Variants in TUSC3 observed in about 807,000 individuals in gnomAD.
TUSC3 encodes tumor suppressor candidate 3, also known as dolichyl-diphosphooligosaccharide--protein glycosyltransferase subunit TUSC3.
Under a neutral mutation model 44.8 loss-of-function variants are expected in TUSC3, and 45 were observed. The observed-to-expected ratio is 1.00, with a 90% CI of 0.79 to 1.29. The LOEUF (loss-of-function observed/expected upper bound fraction) is 1.29, where lower values mean the gene tolerates loss of function less well. TUSC3 is among the 50% of genes most tolerant of loss of function. TUSC3 has a pLI of 0.00. For missense variants in TUSC3, 519 were observed against 437.9 expected (o/e 1.19, Z -1.65); for synonymous variants, 212 against 152.9 (o/e 1.39, Z -2.85).
intron 7 of TUSC3, among the ~76,000 whole-genome samples, chr8:15,739,731 G>A (rs895920615): frequency 2.6e-5 from 4 of 152,106 alleles, no homozygotes; most frequent in Non-Finnish European, 5.9e-5. Flanking sequence ...TTTATTCTTA[G>A]CCTAAAGATA....
At chr8:15,758,493 C>G (rs973149920) in intron 10 of TUSC3, among the ~76,000 whole-genome samples, 4 of 151,874 alleles carry the variant, frequency 2.6e-5, no homozygotes, top group Admixed American at 2.0e-4. Flanking sequence ...CATCCCACCC[C>G]CTCAAGACCA....
intron 6 of TUSC3, among the ~76,000 whole-genome samples, chr8:15,679,684 A>C (rs1808333424): frequency 6.6e-6 from 1 of 152,176 alleles, no homozygotes; most frequent in Admixed American, 6.5e-5. Context: ...AGTGTCCAAA[A>C]GGATATTTCT....
chr8:15,751,405 C>G (rs1811696847), intron 9 of TUSC3, among the ~76,000 whole-genome samples: 1 of 152,130 alleles, frequency 6.6e-6, no homozygotes, highest in Admixed American at 6.5e-5. Flanking sequence ...TGAGTAATGT[C>G]TTTATACTGT....
At chr8:15,848,540 G>C in the TUSC3 span, among the ~76,000 whole-genome samples, 2 of 152,130 alleles carry the variant, frequency 1.3e-5, no homozygotes, top group African/African-American at 4.8e-5. Flanking sequence ...TCTTGAGCTG[G>C]GGAACTGTTC....
chr8:15,788,518 G>C, the TUSC3 span, among the ~76,000 whole-genome samples: 78 of 147,714 alleles, frequency 5.3e-4, no homozygotes, highest in Non-Finnish European at 9.6e-4. Context: ...CTGCACTCCA[G>C]CCTGGGTGAC....
intron 1 of TUSC3, among the ~76,000 whole-genome samples, chr8:15,446,910 C>CAAG (rs1800112544): frequency 6.6e-6 from 1 of 150,772 alleles, no homozygotes; most frequent in Non-Finnish European, 1.5e-5. Flanking sequence ...GAAAAAAAAA[C>CAAG]AAAGGAGGTA....
intron 6 of TUSC3, among the ~76,000 whole-genome samples, chr8:15,722,134 C>A (rs1353314017): frequency 6.6e-6 from 1 of 151,956 alleles, no homozygotes; most frequent in Non-Finnish European, 1.5e-5. Flanking sequence ...GGGAGTTTTC[C>A]ATACCTGCAG....
intron 9 of TUSC3, 82 bp from the exon 10 acceptor site, chr8:15,757,701 AAATCTTGT>A (rs1277002131): frequency 6.2e-6 from 9 of 1,447,074 alleles, no homozygotes; most frequent in Non-Finnish European, 8.7e-6. Flanking sequence ...ATGTAGTGCT[AAATCTTGT>A]AATAATATTG....
intron 2 of TUSC3, among the ~76,000 whole-genome samples, chr8:15,533,302 T>G: frequency 6.6e-6 from 1 of 151,982 alleles, no homozygotes; most frequent in East Asian, 1.9e-4. Context: ...TACAGAGGGG[T>G]AGAGGAATAG....
intron 6 of TUSC3, among the ~76,000 whole-genome samples, chr8:15,682,668 G>A (rs1808473733): frequency 6.6e-6 from 1 of 152,068 alleles, no homozygotes; most frequent in African/African-American, 2.4e-5. Flanking sequence ...GATATGTGAA[G>A]TTTTCTTCCT....
the TUSC3 span, among the ~76,000 whole-genome samples, chr8:15,780,226 C>T: frequency 3.3e-5 from 5 of 152,202 alleles, no homozygotes; most frequent in South Asian, 1.0e-3. Context: ...GAATATCAAC[C>T]TTAAATGGGT....
intron 2 of TUSC3, among the ~76,000 whole-genome samples, chr8:15,498,209 G>C (rs1800910024): frequency 6.6e-6 from 1 of 152,130 alleles, no homozygotes; most frequent in South Asian, 2.1e-4. Flanking sequence ...TAGGAATGTA[G>C]GTTTTAACCT....
intron 1 of TUSC3, among the ~76,000 whole-genome samples, chr8:15,468,501 ATGTC>A (rs1283560950): frequency 6.6e-6 from 1 of 152,138 alleles, no homozygotes. Flanking sequence ...CAGTGATTAG[ATGTC>A]TGTTTCCCTC....
chr8:15,478,097 C>G (rs1286218020), intron 1 of TUSC3, among the ~76,000 whole-genome samples: 1 of 151,902 alleles, frequency 6.6e-6, no homozygotes, highest in Non-Finnish European at 1.5e-5. Context: ...AGCTGGATTA[C>G]AGACATGCAC....
At chr8:15,444,791 C>T (rs1800070480) in intron 1 of TUSC3, among the ~76,000 whole-genome samples, 1 of 152,112 alleles carries the variant, frequency 6.6e-6, no homozygotes, top group Non-Finnish European at 1.5e-5. Context: ...TGTCTTCTTA[C>T]CCTCTTAAAA....
chr8:15,617,831 G>T (rs1402698318), intron 1 of TUSC3, among the ~76,000 whole-genome samples: 1 of 152,042 alleles, frequency 6.6e-6, no homozygotes, highest in Non-Finnish European at 1.5e-5. Flanking sequence ...AATATGTAAG[G>T]CAGAAACCAT....
At chr8:15,657,107 T>C (rs1339900177) in intron 3 of TUSC3, among the ~76,000 whole-genome samples, 1 of 152,202 alleles carries the variant, frequency 6.6e-6, no homozygotes, top group Admixed American at 6.5e-5. Flanking sequence ...TCCCATTTTC[T>C]TGATGAGTAA....
the TUSC3 span, among the ~76,000 whole-genome samples, chr8:15,841,102 C>G: frequency 6.6e-6 from 1 of 152,212 alleles, no homozygotes; most frequent in African/African-American, 2.4e-5. Flanking sequence ...TTAATTATCA[C>G]AGCCACGTAG....
chr8:15,598,526 G>T lies in TUSC3; in HGVS notation c.139-24554G>T, dbSNP rs540902113. 2.0e-5 allele frequency among the ~76,000 whole-genome samples: 3 copies of T among 151,626 alleles called. No individual in the cohort carries two copies. In the East Asian group the frequency reaches 5.8e-4, roughly 29 times the overall value. ...CATTCTTGGTGTTGTATATTCTGTG[G>T]GTTAGGGTAAATGTTTAATGAAATG... On this transcript the variant is annotated intron_variant, in intron 1 of 10. Coordinates refer to ENST00000503731, the MANE Select transcript of TUSC3 (RefSeq NM_006765.4).
Sources: gnomAD v4.1 joint callset for allele counts (sites outside exome capture counted in the v4.1 genomes callset) on GRCh38, gnomAD v4.1.1 for gene constraint, MANE v1.5 for transcripts, NCBI Gene and HGNC (gene_info 2026-07-23, HGNC 2026-07-21) for gene names.